The following SLC9A2 variants were observed in gnomAD, a reference collection of about 807,000 sequenced individuals.
SLC9A2 encodes the protein sodium/hydrogen exchanger 2.
A neutral mutation model predicts 71.7 loss-of-function variants in SLC9A2; 42 were observed. The ratio of observed to expected loss-of-function variants is 0.59; its 90% confidence interval spans 0.46 to 0.76. The LOEUF is 0.76. Ranked by LOEUF, SLC9A2 falls within the 30% of genes least tolerant of loss-of-function variation. The pLI, the probability that SLC9A2 is intolerant of heterozygous loss-of-function variation, is 0.00. For missense variants in SLC9A2, 829 were observed against 1,017.4 expected, an observed-to-expected ratio of 0.81 and a Z score of 2.52; for synonymous variants, 396 against 392.5, an observed-to-expected ratio of 1.01 and a Z score of -0.10.
chr2:102,682,861 G>T (rs1296043969), intron 3 of SLC9A2, among the ~76,000 whole-genome samples: 2 of 152,182 alleles, frequency 1.3e-5, no homozygotes, highest in Non-Finnish European at 2.9e-5. Context: ...AATCCTTTTA[G>T]ATAATAGAGG....
intron 1 of SLC9A2, among the ~76,000 whole-genome samples, chr2:102,641,482 G>A (rs143499546): frequency 1.4e-4 from 21 of 151,656 alleles, no homozygotes; most frequent in South Asian, 6.3e-4. Context: ...CGTTCTGCTT[G>A]AGAAGACCCT....
intron 5 of SLC9A2, among the ~76,000 whole-genome samples, chr2:102,693,554 G>T (rs1293113819): frequency 1.3e-5 from 2 of 152,150 alleles, no homozygotes; most frequent in Non-Finnish European, 2.9e-5. Context: ...CATTTCCGGA[G>T]TTCACTCATG....
intron 3 of SLC9A2, among the ~76,000 whole-genome samples, chr2:102,682,084 C>G (rs1203472562): frequency 6.6e-6 from 1 of 152,160 alleles, no homozygotes; most frequent in East Asian, 1.9e-4. Flanking sequence ...CTTTGCAGAT[C>G]ATGACCAGTA....
At chr2:102,623,075 T>A (rs1676174335) in intron 1 of SLC9A2, among the ~76,000 whole-genome samples, 1 of 152,214 alleles carries the variant, frequency 6.6e-6, no homozygotes, top group African/African-American at 2.4e-5. Context: ...TTAGCCCAGA[T>A]ATGTTTATAT....
chr2:102,648,462 C>A (rs2104513220), intron 1 of SLC9A2, among the ~76,000 whole-genome samples: 1 of 152,274 alleles, frequency 6.6e-6, no homozygotes, highest in East Asian at 1.9e-4. Flanking sequence ...CTCGCCACTC[C>A]CATTCAACAT....
At chr2:102,631,224 CT>C (rs1489666166) in intron 1 of SLC9A2, among the ~76,000 whole-genome samples, 1 of 152,000 alleles carries the variant, frequency 6.6e-6, no homozygotes, top group Non-Finnish European at 1.5e-5. Context: ...CGAATTTCCC[CT>C]GGCTCAAAGC....
At chr2:102,677,593 T>C (rs1677365777) in intron 3 of SLC9A2, among the ~76,000 whole-genome samples, 2 of 152,180 alleles carry the variant, frequency 1.3e-5, no homozygotes, top group African/African-American at 4.8e-5. Flanking sequence ...TGCTTTGGAA[T>C]GCGAAATGGG....
intron 9 of SLC9A2, among the ~76,000 whole-genome samples, chr2:102,703,450 T>C (rs1237200962): frequency 6.6e-6 from 1 of 152,198 alleles, no homozygotes; most frequent in Non-Finnish European, 1.5e-5. Context: ...TCCTGTCAGC[T>C]GGTCAAAAGC....
rs143589211 is a variant in SLC9A2, at chr2:102,679,859, T to A, written c.1005-3402T>A. ...TATTCATCAACCTTTTAAAGTTACA[T>A]TTTTGAATGATTCAAAAAAATCAAC... On this transcript the variant is annotated intron_variant, in intron 3 of 11. Transcript: ENST00000233969. Among the ~76,000 whole-genome samples the A allele has an allele frequency of 9.1e-3, 1,393 of 152,322 alleles. 28 individuals are homozygous for A. Among genetic ancestry groups the A allele is most frequent in the African/African-American group, 0.032 (1,349 of 41,560 alleles).
intron 2 of SLC9A2, among the ~76,000 whole-genome samples, chr2:102,659,009 C>T (rs1359370945): frequency 6.6e-6 from 1 of 152,130 alleles, no homozygotes; most frequent in African/African-American, 2.4e-5. Context: ...AGGCATTCCT[C>T]CCATTATTCA....
chr2:102,642,174 G>A (rs983774492), intron 1 of SLC9A2, among the ~76,000 whole-genome samples: 1 of 152,118 alleles, frequency 6.6e-6, no homozygotes, highest in Admixed American at 6.5e-5. Context: ...AATGTACGTG[G>A]TTTCCACCTA....
At chr2:102,631,985 T>C (rs1376890547) in intron 1 of SLC9A2, among the ~76,000 whole-genome samples, 1 of 126,714 alleles carries the variant, frequency 7.9e-6, no homozygotes, top group Non-Finnish European at 1.6e-5. Context: ...ATTTAATTAA[T>C]GAAAGTGGGG....
intron 1 of SLC9A2, among the ~76,000 whole-genome samples, chr2:102,643,431 C>T (rs1209302593): frequency 6.6e-6 from 1 of 152,136 alleles, no homozygotes; most frequent in Non-Finnish European, 1.5e-5. Flanking sequence ...AACTTCTGTG[C>T]CTTGTGAGGT....
intron 3 of SLC9A2, among the ~76,000 whole-genome samples, chr2:102,678,329 A>T (rs962007012): frequency 1.1e-4 from 5 of 45,368 alleles, no homozygotes; most frequent in East Asian, 8.7e-4. Flanking sequence ...ATGGAAAATT[A>T]AAAAAAAAAA....
chr2:102,703,990 T>C, intron 9 of SLC9A2, among the ~76,000 whole-genome samples: 1 of 152,218 alleles, frequency 6.6e-6, no homozygotes, highest in East Asian at 1.9e-4. Context: ...CAGTAATTCC[T>C]ATTCAAAACA....
intron 7 of SLC9A2, chr2:102,697,424 A>G (rs560673562): frequency 1.3e-5 from 2 of 152,054 alleles, no homozygotes; most frequent in East Asian, 3.9e-4. Context: ...AATTGGCTGT[A>G]AGTCCTAAAG....
chr2:102,648,622 T>C (rs1676772890), intron 1 of SLC9A2, among the ~76,000 whole-genome samples: 1 of 151,732 alleles, frequency 6.6e-6, no homozygotes, highest in Non-Finnish European at 1.5e-5. Flanking sequence ...AAACTCCTAA[T>C]AAGCAACTTC....
chr2:102,660,922 T>A (rs1414394072), intron 2 of SLC9A2, among the ~76,000 whole-genome samples: 3 of 152,178 alleles, frequency 2.0e-5, no homozygotes, highest in Admixed American at 1.3e-4. Context: ...GGTAACATGG[T>A]AGGTTAGTGC....
chr2:102,697,672 C>G lies in SLC9A2; in HGVS notation c.1586+2559C>G, dbSNP rs928743498. ...TAGATGCTGTATATCACAGGTAGAG[C>G]AGGGAAGTGGGTGCGGGGGGATGTG... On this transcript the variant is annotated intron_variant, in intron 7 of 11. Coordinates refer to ENST00000233969, the MANE Select transcript of SLC9A2 (RefSeq NM_003048.6). Among the ~76,000 whole-genome samples the G allele has an allele frequency of 4.1e-5, 6 of 146,548 alleles. No homozygotes were observed. In the East Asian group the frequency reaches 1.3e-3, roughly 31 times the overall value.
Sources: gnomAD v4.1 joint callset for allele counts (sites outside exome capture counted in the v4.1 genomes callset) on GRCh38, gnomAD v4.1.1 for gene constraint, MANE v1.5 for transcripts, NCBI Gene and HGNC (gene_info 2026-07-23, HGNC 2026-07-21) for gene names.